CD209: variants seen among roughly 807,000 people sequenced by gnomAD.
CD209 encodes CD209 antigen.
In CD209, 31 loss-of-function variants were observed where a neutral mutation model predicts 44.7. The ratio of observed to expected loss-of-function variants is 0.69; its 90% CI spans 0.52 to 0.94. CD209 has a LOEUF of 0.94. Among genes scored for constraint, CD209 ranks in the 40% least tolerant of loss-of-function variants. CD209 has a pLI of 0.00. For missense variants in CD209, 407 were observed against 452.4 expected (o/e 0.90, Z 0.91); for synonymous variants, 173 against 181.3 (o/e 0.95, Z 0.37).
At chr19:7,747,266 G>A in intron 2 of CD209, 40 bp downstream of exon 2, 1 of 1,608,432 alleles carries the variant, frequency 6.2e-7, no homozygotes, top group South Asian at 1.1e-5. Context: ...GAGTCCAGGA[G>A]TCTCTCGTCT....
chr19:7,744,035 C>A (rs2033712092), intron 6 of CD209, 72 bp downstream of exon 6: 2 of 1,267,830 alleles, frequency 1.6e-6, no homozygotes, highest in Non-Finnish European at 2.3e-6. Context: ...TGGGGAGGAT[C>A]CCCAGGGAAA....
Position 7,741,207 on chromosome 19 carries a change from C to G in CD209, c.*1832G>C, listed in dbSNP as rs953672919. 66 of 726,768 alleles carry G rather than the reference C, an allele frequency of 9.1e-5. No individual in the cohort carries two copies. Among genetic ancestry groups the G allele is most frequent in the Non-Finnish European group, 1.3e-4 (57 of 448,718 alleles). 45.0% of individuals were successfully genotyped at this position (726,768 alleles called of 1,614,324 possible). On this transcript the variant is annotated 3_prime_UTR_variant, in exon 7 of 7. Coordinates refer to ENST00000315599, the MANE Select transcript of CD209 (RefSeq NM_021155.4). ...TGGGGAGAGACTGGGCGCGGTGGCT[C>G]AGGCCTGTAATCCCAGCACTTTGGG...
Position 7,741,573 on chromosome 19 carries a change from G to A in CD209, c.*1466C>T, listed in dbSNP as rs186513902. 2.9e-6 allele frequency: 2 copies of A among 700,762 alleles called. No individual in the cohort carries two copies. The highest frequency in any genetic ancestry group is 1.8e-5 in the African/African-American group (1 of 56,222). 43.4% of individuals were successfully genotyped at this position (700,762 alleles called of 1,614,324 possible). On this transcript the variant is annotated 3_prime_UTR_variant, in exon 7 of 7. Coordinates refer to ENST00000315599, the MANE Select transcript of CD209 (RefSeq NM_021155.4). ...TTGCAACTTGGAACCTCACCTGAGG[G>A]GCAAGTATATATGTTCAGTACCAGT... is the stretch of plus-strand genomic sequence containing the variant.
rs2033654126 is a variant in CD209 at position 7,742,732 on chromosome 19, GC to G, written c.*306del. The G allele has an allele frequency of 6.1e-5, 24 of 394,674 alleles. No homozygotes were observed. The South Asian group carries it at 8.4e-4, about 14-fold the overall frequency. The allele number at this position is 394,674 out of a possible 1,614,324, so 24.4% of individuals were successfully genotyped here. Reference sequence around the variant, plus strand: ...GGTAGGTTTGCATGTATAAGATAACGCCCCAGGGGACATAGCAGCTACACAT... The same window carrying G: ...GGTAGGTTTGCATGTATAAGATAACGCCCAGGGGACATAGCAGCTACACAT... On this transcript the variant is annotated 3_prime_UTR_variant, in exon 7 of 7. Transcript: ENST00000315599.
rs372424665 is a variant in CD209 at position 7,746,093 on chromosome 19, C to A, written c.179-6G>T. The A allele has an allele frequency of 3.7e-6, 6 of 1,609,472 alleles. No homozygotes were observed. The highest frequency in any genetic ancestry group is 5.1e-6 in the Non-Finnish European group (6 of 1,178,758). ...GGAGCTGGGGACCTTGGACACTGGG[C>A]CAAGAAAAAAAAGGAACTGCAATTA... On this transcript the variant is annotated splice_polypyrimidine_tract_variant and splice_region_variant and intron_variant, in intron 3 of 6. Coordinates refer to ENST00000315599, the MANE Select transcript of CD209 (RefSeq NM_021155.4).
chr19:7,741,581 T>C lies in CD209; in HGVS notation c.*1458A>G. ...TGGAACCTCACCTGAGGGGCAAGTA[T>C]ATATGTTCAGTACCAGTCGGAAGAA... is the stretch of plus-strand genomic sequence containing the variant. On this transcript the variant is annotated 3_prime_UTR_variant, in exon 7 of 7. Transcript: ENST00000315599. 1 of 734,140 alleles carries C rather than the reference T, an allele frequency of 1.4e-6. No individual in the cohort carries two copies. Among genetic ancestry groups the C allele is most frequent in the Non-Finnish European group, 2.4e-6 (1 of 413,100 alleles). 45.5% of individuals were successfully genotyped at this position (734,140 alleles called of 1,614,324 possible). A position where few individuals can be genotyped will look rare whatever the true frequency, so the allele number is the denominator to read the frequency against.
intron 6 of CD209, 142 bp downstream of exon 6, chr19:7,743,965 A>G: frequency 1.5e-6 from 1 of 678,506 alleles, no homozygotes; most frequent in Admixed American, 2.6e-5. Context: ...GTGGGTATGA[A>G]GACCACCTTC....
In CD209 at chr19:7,742,675, T is replaced by A. The variant is rs1413311413; in HGVS notation, c.*364A>T. On this transcript the variant is annotated 3_prime_UTR_variant, in exon 7 of 7. Transcript: ENST00000315599. ...ACCAGTAAGTCCCCGATCAAAGGGG[T>A]GCAGGAGGTGGTAGGTGGAAGTTGA... 3 of 245,754 alleles carry A rather than the reference T, an allele frequency of 1.2e-5. No individual in the cohort carries two copies. The highest frequency in any genetic ancestry group is 2.4e-5 in the Non-Finnish European group (3 of 125,276). 15.2% of individuals were successfully genotyped at this position (245,754 alleles called of 1,614,324 possible). A position where few individuals can be genotyped will look rare whatever the true frequency, so the allele number is the denominator to read the frequency against.
At chr19:7,743,885 C>CT (rs200309698) in intron 6 of CD209, among the ~76,000 whole-genome samples, 4,841 of 152,210 alleles carry the variant, frequency 0.032, 237 homozygotes, top group African/African-American at 0.11. Flanking sequence ...TTTTAATACA[C>CT]CTCCCCGGTG....
Position 7,744,986 on chromosome 19 carries a change from T to C in CD209, c.855A>G (p.Lys285=), listed in dbSNP as rs779945623. ...RNWHDSITAC[K]EVGAQLVVIK... ...TTACGACGAGCTGGGCCCCCACTTC[T>C]TTGCAGGCGGTGATGGAGTCGTGCC... Residue 285 remains lysine (K), a synonymous_variant, in exon 5 of 7, where the codon AAA becomes AAG. Transcript: ENST00000315599. 4 of 1,614,076 alleles carry C rather than the reference T, an allele frequency of 2.5e-6. No homozygotes were observed. Among genetic ancestry groups the C allele is most frequent in the East Asian group, 2.2e-5 (1 of 44,894 alleles).
At chr19:7,744,347 C>T in intron 5 of CD209, 128 bp from the exon 6 acceptor site, 1 of 680,434 alleles carries the variant, frequency 1.5e-6, no homozygotes. Context: ...AGGTCCTGAG[C>T]CCCCTCGTGT....
chr19:7,747,321 ATCC>A lies in CD209; in HGVS notation c.88_90del (p.Gly30del), dbSNP rs1447855974. The A allele has an allele frequency of 6.2e-7, 1 of 1,614,216 alleles. No individual in the cohort carries two copies. The highest frequency in any genetic ancestry group is 1.7e-5 in the Admixed American group (1 of 60,024). On this transcript the variant is annotated inframe_deletion, in exon 2 of 7. Coordinates refer to ENST00000315599, the MANE Select transcript of CD209 (RefSeq NM_021155.4). The stretch of plus-strand genomic sequence containing the variant: ...TCCTCTCTACCTGCTAAGCTCTTGT[ATCC>A]TCGAGTCTGTCGGAATCCAAGGCCT...
chr19:7,741,805 C>A lies in CD209; in HGVS notation c.*1234G>T, dbSNP rs2033623873. The A allele has an allele frequency of 4.0e-6, 2 of 503,708 alleles. No individual in the cohort carries two copies. Among genetic ancestry groups the A allele is most frequent in the East Asian group, 4.8e-5 (1 of 20,792 alleles). The allele number at this position is 503,708 out of a possible 1,614,324, so 31.2% of individuals were successfully genotyped here. On this transcript the variant is annotated 3_prime_UTR_variant, in exon 7 of 7. Transcript: ENST00000315599. ...CAATAGAGACCTCTGCTTGTCTCCT[C>A]CTTTGGCAAGAGCTCCAAGGGGAGA...
rs2033621527 is a variant in CD209 at position 7,741,728 on chromosome 19, C to T, written c.*1311G>A. The T allele has an allele frequency of 4.8e-6, 3 of 626,146 alleles. No homozygotes were observed. In the East Asian group the frequency reaches 1.3e-4, roughly 26 times the overall value. 38.8% of individuals were successfully genotyped at this position (626,146 alleles called of 1,614,324 possible). A position where few individuals can be genotyped will look rare whatever the true frequency, so the allele number is the denominator to read the frequency against. On this transcript the variant is annotated 3_prime_UTR_variant, in exon 7 of 7. Transcript: ENST00000315599. ...GATGATTTGTGGTTTATTTGAAATA[C>T]AACAATGTCCAAGAGGAAAACACTG...
rs1188624154 is a variant in CD209 at position 7,744,931 on chromosome 19, C to G, written c.900+10G>C. ...CCCTAGGCCAGGACGGGGACCCCCACCAGGTGTACCTGCTCCTCAGCACTT... is the reference window on the plus strand; with the variant it reads ...CCCTAGGCCAGGACGGGGACCCCCAGCAGGTGTACCTGCTCCTCAGCACTT... On this transcript the variant is annotated intron_variant, in intron 5 of 6. Transcript: ENST00000315599. 1.2e-6 allele frequency: 2 copies of G among 1,614,010 alleles called. No homozygotes were observed. The highest frequency in any genetic ancestry group is 1.7e-6 in the Non-Finnish European group (2 of 1,179,966).
intron 2 of CD209, 148 bp from the exon 3 acceptor site, chr19:7,746,679 C>T: frequency 2.7e-6 from 2 of 739,674 alleles, no homozygotes; most frequent in Non-Finnish European, 4.5e-6. Context: ...CAGGCCCTAG[C>T]TCTAACCTCC....
rs746527222 is a variant in CD209 at position 7,745,946 on chromosome 19, A to G, written c.320T>C (p.Leu107Pro). ...LQEIYQELTQ[L>P]KAAVGELPEK... ...TGGAAGCTCACCCACTGCAGCCTTC[A>G]GCTGGGTCAGCTCCTGGTAGATCTC... Residue 107 changes from leucine (L) to proline (P), a missense_variant, in exon 4 of 7, where the codon CTG (leucine) becomes CCG (proline). Coordinates refer to ENST00000315599, the MANE Select transcript of CD209 (RefSeq NM_021155.4). 6.2e-7 allele frequency: 1 copy of G among 1,614,176 alleles called. No individual in the cohort carries two copies. Among genetic ancestry groups the G allele is most frequent in the South Asian group, 1.1e-5 (1 of 91,086 alleles).
At chr19:7,745,303 G>A (rs190026563) in intron 4 of CD209, among the ~76,000 whole-genome samples, 2 of 152,290 alleles carry the variant, frequency 1.3e-5, no homozygotes, top group Non-Finnish European at 2.9e-5. Context: ...AGAAGTTGGG[G>A]CTTTAGAACT....
rs2033570225 is a variant in CD209, at chr19:7,740,288, T to C, written c.*2751A>G. ...CGTGGATTTGCACGCTTCGTTCATC[T>C]GGACATGCCCAGGGTATGTAACTTG... is the stretch of plus-strand genomic sequence containing the variant. On this transcript the variant is annotated 3_prime_UTR_variant, in exon 7 of 7. Transcript: ENST00000315599. The C allele has an allele frequency of 4.3e-6, 2 of 461,296 alleles. No homozygotes were observed. The highest frequency in any genetic ancestry group is 8.0e-6 in the Non-Finnish European group (2 of 251,220). 28.6% of individuals were successfully genotyped at this position (461,296 alleles called of 1,614,324 possible).
Sources: gnomAD v4.1 joint callset for allele counts (sites outside exome capture counted in the v4.1 genomes callset) on GRCh38, gnomAD v4.1.1 for gene constraint, MANE v1.5 for transcripts, NCBI Gene and HGNC (gene_info 2026-07-23, HGNC 2026-07-21) for gene names.